ME3: variants seen among roughly 807,000 people sequenced by gnomAD.
The protein encoded by ME3 is malic enzyme 3.
In ME3, 48 loss-of-function variants were observed where a neutral mutation model predicts 68.9. The observed-to-expected ratio is 0.70, with a 90% CI of 0.55 to 0.89. ME3 has a LOEUF of 0.89. ME3 is among the 40% of genes least tolerant of loss of function. ME3 has a pLI of 0.00. For missense variants in ME3, 675 were observed against 797.4 expected, an observed-to-expected ratio of 0.85 and a Z score of 1.85; for synonymous variants, 320 against 318.8, an observed-to-expected ratio of 1.00 and a Z score of -0.04.
intron 4 of ME3, among the ~76,000 whole-genome samples, chr11:86,521,264 G>A (rs916804749): frequency 6.6e-6 from 1 of 151,958 alleles, no homozygotes; most frequent in Non-Finnish European, 1.5e-5. Context: ...GCGTGATGGC[G>A]GGCGCCTGTA....
exon 8 of ME3, chr11:86,465,197 A>C: frequency 1.2e-6 from 2 of 1,611,200 alleles, no homozygotes; most frequent in South Asian, 2.2e-5. Context: ...AATTTATTCC[A>C]AACCTGTGTG....
At chr11:86,460,137 A>G (rs949919173) in intron 8 of ME3, among the ~76,000 whole-genome samples, 2 of 152,182 alleles carry the variant, frequency 1.3e-5, no homozygotes, top group East Asian at 1.9e-4. Context: ...TGAAACAACA[A>G]AAGTCACCTG....
chr11:86,517,262 T>G (rs184218987), intron 4 of ME3, among the ~76,000 whole-genome samples: 306 of 152,242 alleles, frequency 2.0e-3, no homozygotes, highest in Non-Finnish European at 3.4e-3. Context: ...GTCAGTGTGA[T>G]TTACCATCTT....
intron 2 of ME3, among the ~76,000 whole-genome samples, chr11:86,665,433 A>G (rs1489275970): frequency 6.6e-6 from 1 of 152,120 alleles, no homozygotes; most frequent in Non-Finnish European, 1.5e-5. Flanking sequence ...TGCTCTAGGA[A>G]GGAGGATCAG....
At chr11:86,671,196 C>T (rs1946913303) in intron 2 of ME3, among the ~76,000 whole-genome samples, 1 of 152,216 alleles carries the variant, frequency 6.6e-6, no homozygotes, top group Non-Finnish European at 1.5e-5. Context: ...AAACTAGGAT[C>T]TCTAATGCTC....
At chr11:86,509,208 C>T (rs1953317376) in intron 4 of ME3, among the ~76,000 whole-genome samples, 1 of 151,756 alleles carries the variant, frequency 6.6e-6, no homozygotes, top group Non-Finnish European at 1.5e-5. Flanking sequence ...ACTGTTTGGG[C>T]CTCTTTTCCA....
intron 8 of ME3, chr11:86,457,742 A>T: frequency 7.8e-7 from 1 of 1,286,994 alleles, no homozygotes; most frequent in South Asian, 1.2e-5. Flanking sequence ...GGGCAGCTGA[A>T]AGTGTGGCAG....
intron 2 of ME3, among the ~76,000 whole-genome samples, chr11:86,596,287 T>TA (rs1210086729): frequency 6.6e-6 from 1 of 152,176 alleles, no homozygotes; most frequent in Non-Finnish European, 1.5e-5. Context: ...TTTGAGAACA[T>TA]ACTGAATTTC....
At chr11:86,566,586 T>C (rs559069602) in intron 2 of ME3, among the ~76,000 whole-genome samples, 1 of 150,262 alleles carries the variant, frequency 6.7e-6, no homozygotes, top group South Asian at 2.1e-4. Context: ...GAATATCTAA[T>C]CTTATTCTAT....
At chr11:86,439,817 G>A (rs1026749184), downstream of ME3, among the ~76,000 whole-genome samples, 2 of 152,136 alleles carry the variant, frequency 1.3e-5, no homozygotes, top group African/African-American at 4.8e-5. Context: ...AGGATATGTA[G>A]CAGCGATACA....
At chr11:86,591,627 G>C (rs533374423) in intron 2 of ME3, among the ~76,000 whole-genome samples, 1 of 152,274 alleles carries the variant, frequency 6.6e-6, no homozygotes, top group South Asian at 2.1e-4. Flanking sequence ...CCCAAGACTG[G>C]GCAATTTACA....
At chr11:86,663,108 A>G (rs1000862073) in intron 2 of ME3, among the ~76,000 whole-genome samples, 4 of 152,240 alleles carry the variant, frequency 2.6e-5, no homozygotes, top group Admixed American at 1.3e-4. Context: ...GGCTTCATGT[A>G]GCTCACTACC....
At chr11:86,645,332 G>A (rs1944930215) in intron 2 of ME3, among the ~76,000 whole-genome samples, 1 of 152,210 alleles carries the variant, frequency 6.6e-6, no homozygotes, top group East Asian at 1.9e-4. Context: ...CTCACTGCCA[G>A]CACAGCAGTC....
chr11:86,610,495 T>C (rs1279547939), intron 2 of ME3, among the ~76,000 whole-genome samples: 1 of 152,112 alleles, frequency 6.6e-6, no homozygotes, highest in East Asian at 1.9e-4. Flanking sequence ...GCATATGCCA[T>C]GGGAGTGATG....
chr11:86,508,283 C>G (rs1056422754), intron 5 of ME3, among the ~76,000 whole-genome samples: 4 of 152,146 alleles, frequency 2.6e-5, no homozygotes, highest in African/African-American at 9.7e-5. Flanking sequence ...AAATTCAAGG[C>G]CCAGCTCCAC....
rs988220844 is a variant in ME3 at position 86,527,443 on chromosome 11, C to A, written c.468-18576G>T. On this transcript the variant is annotated intron_variant, in intron 4 of 14. Transcript: ENST00000543262. ...GGAACCAAGTTGGAAAATACTCTGC[C>A]GGATATTATACATGAGAACTTCCCC... 7.2e-5 allele frequency among the ~76,000 whole-genome samples: 11 copies of A among 152,176 alleles called. No homozygotes were observed. The East Asian group carries it at 7.7e-4, about 11-fold the overall frequency.
chr11:86,573,074 T>C (rs1429797125), intron 2 of ME3, among the ~76,000 whole-genome samples: 1 of 92,308 alleles, frequency 1.1e-5, no homozygotes, highest in Non-Finnish European at 2.5e-5. Context: ...CGCATAAATG[T>C]CTTTTTTGAG....
chr11:86,460,108 A>G (rs1950157541), intron 8 of ME3, among the ~76,000 whole-genome samples: 1 of 152,142 alleles, frequency 6.6e-6, no homozygotes, highest in African/African-American at 2.4e-5. Context: ...AAGAGCAGAG[A>G]TGCTTCTCTG....
chr11:86,637,817 A>C (rs930798139), intron 2 of ME3, among the ~76,000 whole-genome samples: 1 of 152,134 alleles, frequency 6.6e-6, no homozygotes, highest in Non-Finnish European at 1.5e-5. Context: ...AGATACGGAG[A>C]CCATAGAAAT....
Sources: allele counts gnomAD v4.1 joint callset (sites outside exome capture counted in the v4.1 genomes callset), GRCh38; gene constraint gnomAD v4.1.1; transcripts MANE v1.5; gene names NCBI Gene and HGNC (gene_info 2026-07-23, HGNC 2026-07-21).